Variants in CACNG2 observed in about 807,000 individuals in gnomAD.
CACNG2 encodes the protein voltage-dependent calcium channel gamma-2 subunit.
Under a neutral mutation model 25.9 loss-of-function variants are expected in CACNG2, and 3 were observed. The ratio of observed to expected loss-of-function variants is 0.12; its 90% CI spans 0.05 to 0.30. The LOEUF (loss-of-function observed/expected upper bound fraction) is 0.30, where lower values mean the gene tolerates loss of function less well. Among genes scored for constraint, CACNG2 ranks in the 10% least tolerant of loss-of-function variants. The pLI is 1.00. For missense variants in CACNG2, 341 were observed against 432.5 expected (o/e 0.79, Z 1.88); for synonymous variants, 167 against 173.3 (o/e 0.96, Z 0.29).
chr22:36,670,914 C>G (rs1936939987), intron 1 of CACNG2, among the ~76,000 whole-genome samples: 1 of 148,792 alleles, frequency 6.7e-6, no homozygotes, highest in Non-Finnish European at 1.5e-5. Flanking sequence ...GGTCCAAAGT[C>G]TATATTCTTT....
chr22:36,614,609 G>A (rs973776144), intron 1 of CACNG2, among the ~76,000 whole-genome samples: 5 of 152,278 alleles, frequency 3.3e-5, no homozygotes, highest in Admixed American at 1.3e-4. Context: ...TCATGTTTCC[G>A]ATGCACCCAA....
intron 1 of CACNG2, among the ~76,000 whole-genome samples, chr22:36,638,632 A>G (rs915200825): frequency 2.0e-5 from 3 of 152,198 alleles, no homozygotes; most frequent in Non-Finnish European, 4.4e-5. Context: ...TCCTCTCTTT[A>G]GTACCCTGCA....
At chr22:36,626,051 A>G (rs2145953930) in intron 1 of CACNG2, among the ~76,000 whole-genome samples, 1 of 152,106 alleles carries the variant, frequency 6.6e-6, no homozygotes, top group South Asian at 2.1e-4. Flanking sequence ...TCCCGAGTAG[A>G]TGGGAATACA....
At chr22:36,653,649 G>T (rs1936655774) in intron 1 of CACNG2, among the ~76,000 whole-genome samples, 1 of 152,102 alleles carries the variant, frequency 6.6e-6, no homozygotes, top group Non-Finnish European at 1.5e-5. Context: ...GGTTGGGACG[G>T]GTCAAGGGAG....
chr22:36,638,300 G>A (rs915050071), intron 1 of CACNG2, among the ~76,000 whole-genome samples: 1 of 152,160 alleles, frequency 6.6e-6, no homozygotes, highest in African/African-American at 2.4e-5. Context: ...TCCCTTCCCT[G>A]CTTCACACCC....
At chr22:36,567,407 T>C (rs1260354686) in intron 2 of CACNG2, among the ~76,000 whole-genome samples, 3 of 152,104 alleles carry the variant, frequency 2.0e-5, no homozygotes, top group Non-Finnish European at 4.4e-5. Flanking sequence ...TAGAAGCTCA[T>C]TAAGTGAATA....
At position 36,564,474 on chromosome 22, in the gene CACNG2, C is replaced by A. The variant is rs1248176885; in HGVS notation, c.849G>T (p.Thr283=). The A allele has an allele frequency of 2.5e-6, 4 of 1,614,018 alleles. No individual in the cohort carries two copies. Among genetic ancestry groups the A allele is most frequent in the Non-Finnish European group, 3.4e-6 (4 of 1,179,956 alleles). The change falls in exon 4 of 4, where the codon ACG becomes ACT. Residue 283 remains threonine, a synonymous_variant. Coordinates refer to ENST00000300105, the MANE Select transcript of CACNG2 (RefSeq NM_006078.5). This position sits in a 1 kb window ranked among gnomAD's most constrained non-coding sequence, Gnocchi z 6.7. ...LSRDPLKAAT[T]PTATYNSDRD... is the part of the protein sequence containing the mutation. ...TGTCGGAGTTGTAGGTGGCGGTGGG[C>A]GTGGTGGCGGCCTTCAGGGGGTCCC...
At chr22:36,642,719 C>T (rs1421885099) in intron 1 of CACNG2, among the ~76,000 whole-genome samples, 2 of 152,340 alleles carry the variant, frequency 1.3e-5, no homozygotes, top group African/African-American at 4.8e-5. Flanking sequence ...CTGTGAGAAG[C>T]ATCATCACTG....
At position 36,564,335 on chromosome 22, in the gene CACNG2, G is replaced by T. The variant is rs376163114; in HGVS notation, c.*16C>A. On this transcript the variant is annotated 3_prime_UTR_variant, in exon 4 of 4. Coordinates refer to ENST00000300105, the MANE Select transcript of CACNG2 (RefSeq NM_006078.5). The surrounding 1 kb of genome is among the most constrained non-coding windows in gnomAD (Gnocchi z 6.7). The stretch of plus-strand genomic sequence containing the variant: ...CGCGCCCTCCTCCCGCGGTCTTCTG[G>T]CGAGGCCCGCGGTCTTTATACGGGG... 60 of 1,606,466 alleles carry T rather than the reference G, an allele frequency of 3.7e-5. No homozygotes were observed. In the African/African-American group the frequency reaches 6.9e-4, roughly 19 times the overall value.
At chr22:36,682,494 C>G (rs41310252) in intron 1 of CACNG2, among the ~76,000 whole-genome samples, 1,531 of 119,824 alleles carry the variant, frequency 0.013, 9 homozygotes, top group Admixed American at 0.022. Flanking sequence ...CCCCTCCCCC[C>G]ACCCCACTCC....
At position 36,564,445 on chromosome 22, in the gene CACNG2, T is replaced by G; in HGVS notation, c.878A>C (p.Asp293Ala). The change falls in exon 4 of 4, where the codon GAT (aspartate) becomes GCT (alanine). Residue 293 changes from aspartate to alanine, a missense_variant. By Grantham distance (126) the Asp-to-Ala change is moderately radical. This residue lies in a region of CACNG2 where 172 missense variants were observed against 178.1 expected (regional missense o/e 0.97). Transcript: ENST00000300105. This position sits in a 1 kb window ranked among gnomAD's most constrained non-coding sequence, Gnocchi z 6.7. ...TPTATYNSDR[D>A]NSFLQVHNCI... is the part of the protein sequence containing the mutation. ...GTTGTGAACCTGGAGGAAGCTGTTA[T>G]CCCTGTCGGAGTTGTAGGTGGCGGT... The G allele has an allele frequency of 5.0e-6, 8 of 1,614,124 alleles. No individual in the cohort carries two copies. The highest frequency in any genetic ancestry group is 6.8e-6 in the Non-Finnish European group (8 of 1,179,988).
In CACNG2 at chr22:36,660,215, G is replaced by C. The variant is rs1311638458; in HGVS notation, c.211+42151C>G. Among the ~76,000 whole-genome samples, 3 of 152,264 alleles carry C rather than the reference G, an allele frequency of 2.0e-5. No homozygotes were observed. In the East Asian group the frequency reaches 5.8e-4, roughly 29 times the overall value. On this transcript the variant is annotated intron_variant, in intron 1 of 3. Coordinates refer to ENST00000300105, the MANE Select transcript of CACNG2 (RefSeq NM_006078.5). ...GTCATCTCCCGTCCCCAGTGCTCATGACAGGACTTGGCACCATGTAGGGGC... is the reference window on the plus strand; with the variant it reads ...GTCATCTCCCGTCCCCAGTGCTCATCACAGGACTTGGCACCATGTAGGGGC...
intron 1 of CACNG2, among the ~76,000 whole-genome samples, chr22:36,643,406 T>C (rs977682297): frequency 6.6e-6 from 1 of 152,052 alleles, no homozygotes; most frequent in African/African-American, 2.4e-5. Flanking sequence ...GATATAGAAA[T>C]GAACAAAATA....
intron 1 of CACNG2, among the ~76,000 whole-genome samples, chr22:36,699,015 T>C (rs969560568): frequency 7.9e-5 from 12 of 152,172 alleles, no homozygotes; most frequent in African/African-American, 2.9e-4. Context: ...TAGAGACACC[T>C]TGCTTGAACA....
At chr22:36,690,961 A>T (rs1000317070) in intron 1 of CACNG2, among the ~76,000 whole-genome samples, 3 of 151,850 alleles carry the variant, frequency 2.0e-5, no homozygotes, top group Non-Finnish European at 2.9e-5. Context: ...CATTACTAAC[A>T]CCTTCCCCTA....
intron 1 of CACNG2, among the ~76,000 whole-genome samples, chr22:36,605,911 C>T (rs1045052479): frequency 6.6e-6 from 1 of 152,166 alleles, no homozygotes; most frequent in Non-Finnish European, 1.5e-5. Flanking sequence ...CTCTGTCAAC[C>T]CCAGAGTCCC....
At chr22:36,669,508 CAAAAAAAA>C (rs1157379465) in intron 1 of CACNG2, among the ~76,000 whole-genome samples, 4 of 61,638 alleles carry the variant, frequency 6.5e-5, no homozygotes, top group Non-Finnish European at 8.9e-5. Context: ...ACTCTATCTC[CAAAAAAAA>C]AAAAAAAAAA....
chr22:36,615,985 G>A (rs1209946609), intron 1 of CACNG2, among the ~76,000 whole-genome samples: 3 of 152,186 alleles, frequency 2.0e-5, no homozygotes, highest in African/African-American at 7.2e-5. Context: ...GGTAGATGGA[G>A]TGTTTATCTC....
intron 1 of CACNG2, among the ~76,000 whole-genome samples, chr22:36,686,049 A>C (rs1937192626): frequency 6.6e-6 from 1 of 152,202 alleles, no homozygotes; most frequent in African/African-American, 2.4e-5. Flanking sequence ...CAGATACTTG[A>C]AAACAGAGAA....
Sources: gnomAD v4.1 joint callset for allele counts (sites outside exome capture counted in the v4.1 genomes callset) on GRCh38, gnomAD v4.1.1 for gene constraint, gnomAD v4.1.1 regional missense constraint, Gnocchi (gnomAD v3.1) non-coding constraint, MANE v1.5 for transcripts, NCBI Gene and HGNC (gene_info 2026-07-23, HGNC 2026-07-21) for gene names.